GRHL2: variants seen among roughly 807,000 people sequenced by gnomAD.
The protein encoded by GRHL2 is grainyhead-like protein 2 homolog.
Under a neutral mutation model 83.8 loss-of-function variants are expected in GRHL2, and 21 were observed. The ratio of observed to expected loss-of-function variants is 0.25; its 90% CI spans 0.18 to 0.36. The LOEUF (loss-of-function observed/expected upper bound fraction) is 0.36, where lower values mean the gene tolerates loss of function less well. Among genes scored for constraint, GRHL2 ranks in the 10% least tolerant of loss-of-function variants. The probability of loss-of-function intolerance (pLI) is 1.00; values close to 1 mark genes in which losing one functional copy is unlikely to be tolerated. For missense variants in GRHL2, 623 were observed against 781.8 expected (o/e 0.80, Z 2.42); for synonymous variants, 280 against 278.9 (o/e 1.00, Z -0.04).
chr8:101,518,141 C>T (rs1207752937), intron 1 of GRHL2, among the ~76,000 whole-genome samples: 1 of 152,228 alleles, frequency 6.6e-6, no homozygotes, highest in Non-Finnish European at 1.5e-5. Flanking sequence ...CCCCATATCA[C>T]ATACTTCCCT....
chr8:101,520,275 T>C (rs1266587018), intron 1 of GRHL2, among the ~76,000 whole-genome samples: 1 of 152,186 alleles, frequency 6.6e-6, no homozygotes, highest in African/African-American at 2.4e-5. Flanking sequence ...ATTCACGTAG[T>C]ATGTGAGGTT....
chr8:101,546,817 C>T (rs147954843), intron 2 of GRHL2, among the ~76,000 whole-genome samples: 1 of 152,202 alleles, frequency 6.6e-6, no homozygotes, highest in East Asian at 1.9e-4. Flanking sequence ...AAATATGGTA[C>T]CCAGATTACT....
intron 4 of GRHL2, among the ~76,000 whole-genome samples, chr8:101,568,792 T>A (rs959266856): frequency 2.1e-4 from 32 of 152,192 alleles, no homozygotes; most frequent in African/African-American, 7.5e-4. Flanking sequence ...TCTGTCATGA[T>A]TATTTATTCA....
intron 4 of GRHL2, among the ~76,000 whole-genome samples, chr8:101,560,201 TG>T: frequency 1.3e-5 from 2 of 151,844 alleles, no homozygotes; most frequent in Non-Finnish European, 2.9e-5. Context: ...TGTGTGTGTG[TG>T]TGTTTTTAGT....
chr8:101,595,117 G>T (rs1812365176), intron 7 of GRHL2, among the ~76,000 whole-genome samples: 1 of 152,130 alleles, frequency 6.6e-6, no homozygotes, highest in African/African-American at 2.4e-5. Context: ...TTTGTTTCTT[G>T]CTCTTTCTCA....
chr8:101,511,661 T>C (rs956345354), intron 1 of GRHL2, among the ~76,000 whole-genome samples: 3 of 151,456 alleles, frequency 2.0e-5, no homozygotes, highest in East Asian at 3.8e-4. Flanking sequence ...ATCTTGTTTT[T>C]AGTTTTTTTT....
rs1814080174 is a variant in GRHL2, at chr8:101,667,019, A to G, written c.*316A>G. 2.1e-6 allele frequency: 1 copy of G among 470,798 alleles called. No homozygotes were observed. The highest frequency in any genetic ancestry group is 3.9e-6 in the Non-Finnish European group (1 of 255,814). The allele number at this position is 470,798 out of a possible 1,614,324, so 29.2% of individuals were successfully genotyped here. On this transcript the variant is annotated 3_prime_UTR_variant, in exon 16 of 16. Coordinates refer to ENST00000646743, the MANE Select transcript of GRHL2 (RefSeq NM_024915.4). Reference sequence around the variant, plus strand: ...GACTCTGCAGGTCACTGCTAGCTCCAGATGAGACCGTCCAGCGTTCCCCCT... The same window carrying G: ...GACTCTGCAGGTCACTGCTAGCTCCGGATGAGACCGTCCAGCGTTCCCCCT...
At position 101,503,617 on chromosome 8, in the gene GRHL2, A is replaced by G. The variant is rs918917738; in HGVS notation, c.20+10828A>G. ...AGTTTCAGGGATTTGTCTTAAAGAC[A>G]TAACTAAAGATATAAAGTGCCACAT... On this transcript the variant is annotated intron_variant, in intron 1 of 15. Transcript: ENST00000646743. Among the ~76,000 whole-genome samples the G allele has an allele frequency of 1.8e-4, 27 of 152,254 alleles. 1 individual carries two copies. Among genetic ancestry groups the G allele is most frequent in the Admixed American group, 1.5e-3 (23 of 15,294 alleles).
At chr8:101,580,121 G>A (rs1330598601) in intron 7 of GRHL2, among the ~76,000 whole-genome samples, 1 of 152,146 alleles carries the variant, frequency 6.6e-6, no homozygotes, top group African/African-American at 2.4e-5. Flanking sequence ...TGAGGCTGGA[G>A]TTAGAGACCG....
rs1178420346 is a variant in GRHL2 at position 101,667,162 on chromosome 8, T to C, written c.*459T>C. 8 of 225,586 alleles carry C rather than the reference T, an allele frequency of 3.5e-5. No homozygotes were observed. The highest frequency in any genetic ancestry group is 6.3e-5 in the Non-Finnish European group (7 of 110,910). 14.0% of individuals were successfully genotyped at this position (225,586 alleles called of 1,614,324 possible). On this transcript the variant is annotated 3_prime_UTR_variant, in exon 16 of 16. Coordinates refer to ENST00000646743, the MANE Select transcript of GRHL2 (RefSeq NM_024915.4). ...GAGCTACGTCTGGGTGCAGTAGTTATAGGTGGGGCAAGAGGTGGATGCCCA... is the reference window on the plus strand; with the variant it reads ...GAGCTACGTCTGGGTGCAGTAGTTACAGGTGGGGCAAGAGGTGGATGCCCA...
rs753005094 is a variant in GRHL2 at position 101,644,150 on chromosome 8, C to T, written c.1537C>T (p.Arg513Trp). 1.2e-5 allele frequency: 19 copies of T among 1,614,094 alleles called. No homozygotes were observed. Among genetic ancestry groups the T allele is most frequent in the East Asian group, 2.2e-5 (1 of 44,868 alleles). Residue 513 changes from arginine to tryptophan, a missense_variant, in exon 13 of 16, where the codon CGG (arginine) becomes TGG (tryptophan). Coordinates refer to ENST00000646743, the MANE Select transcript of GRHL2 (RefSeq NM_024915.4). ...TTCTAGTGGCAGTGTCCTTGTTAAACGGATGTTCCGGCCCATGGAAGAGGA... is the reference window on the plus strand; with the variant it reads ...TTCTAGTGGCAGTGTCCTTGTTAAATGGATGTTCCGGCCCATGGAAGAGGA... ...EREGGSVLVK[R>W]MFRPMEEEFG...
At chr8:101,563,128 G>A (rs1586098271) in intron 4 of GRHL2, among the ~76,000 whole-genome samples, 2 of 152,276 alleles carry the variant, frequency 1.3e-5, no homozygotes, top group East Asian at 3.9e-4. Context: ...TATTCTAAAT[G>A]AGGAAACTGA....
chr8:101,561,760 T>C (rs1202573921), intron 4 of GRHL2, among the ~76,000 whole-genome samples: 2 of 152,216 alleles, frequency 1.3e-5, no homozygotes, highest in Non-Finnish European at 2.9e-5. Flanking sequence ...CACAATTCAC[T>C]TCTATAGTTT....
intron 1 of GRHL2, among the ~76,000 whole-genome samples, chr8:101,507,366 A>T (rs910598004): frequency 6.6e-6 from 1 of 152,050 alleles, no homozygotes; most frequent in Admixed American, 6.6e-5. Context: ...TACTCATTAA[A>T]TTTTTTTCTT....
At position 101,563,945 on chromosome 8, in the gene GRHL2, A is replaced by T. The variant is rs1811661039; in HGVS notation, c.678+5133A>T. ...AGAAATATTCCATTAGTCACAGAAG[A>T]GTGTATGGATGTGGTCCAATGTCAA... is the stretch of plus-strand genomic sequence containing the variant. On this transcript the variant is annotated intron_variant, in intron 4 of 15. Coordinates refer to ENST00000646743, the MANE Select transcript of GRHL2 (RefSeq NM_024915.4). 1.3e-5 allele frequency among the ~76,000 whole-genome samples: 2 copies of T among 152,122 alleles called. 1 individual carries two copies. Among genetic ancestry groups the T allele is most frequent in the Admixed American group, 1.3e-4 (2 of 15,274 alleles).
chr8:101,596,435 A>G (rs1297548639), intron 7 of GRHL2, among the ~76,000 whole-genome samples: 3 of 152,204 alleles, frequency 2.0e-5, no homozygotes, highest in South Asian at 2.1e-4. Context: ...CTAAGAATAT[A>G]TATTAACGAA....
intron 1 of GRHL2, among the ~76,000 whole-genome samples, chr8:101,507,551 C>T (rs1339301797): frequency 6.6e-6 from 1 of 151,992 alleles, no homozygotes; most frequent in African/African-American, 2.4e-5. Flanking sequence ...TATACAATTA[C>T]ACTATGTATG....
chr8:101,495,247 G>A (rs1004898731), intron 1 of GRHL2, among the ~76,000 whole-genome samples: 1 of 152,196 alleles, frequency 6.6e-6, no homozygotes, highest in Non-Finnish European at 1.5e-5. Context: ...GAAATAACAT[G>A]AACGAACACA....
chr8:101,552,012 T>G (rs921527234), intron 2 of GRHL2, among the ~76,000 whole-genome samples: 2 of 152,136 alleles, frequency 1.3e-5, no homozygotes, highest in Admixed American at 1.3e-4. Flanking sequence ...ATTTTTTGTA[T>G]TTTTAGTAGA....
Sources: allele counts gnomAD v4.1 joint callset (sites outside exome capture counted in the v4.1 genomes callset), GRCh38; gene constraint gnomAD v4.1.1; transcripts MANE v1.5; gene names NCBI Gene and HGNC (gene_info 2026-07-23, HGNC 2026-07-21).